CNBD2: variants seen among roughly 807,000 people sequenced by gnomAD.
CNBD2 encodes the protein cyclic nucleotide binding domain containing 2, also known as cyclic nucleotide-binding domain-containing protein 2.
In CNBD2, 64 loss-of-function variants were observed where a neutral mutation model predicts 63.7. That is an observed-to-expected ratio of 1.00 (90% CI 0.82 to 1.24). CNBD2 has a LOEUF of 1.24. CNBD2 is among the 50% of genes most tolerant of loss of function. CNBD2 has a pLI of 0.00. For synonymous variants in CNBD2, 229 were observed against 255.4 expected, an observed-to-expected ratio of 0.90 and a Z score of 0.99; for missense variants, 691 against 713.5, an observed-to-expected ratio of 0.97 and a Z score of 0.36.
upstream of CNBD2, chr20:35,954,463 G>A: frequency 6.5e-7 from 1 of 1,547,980 alleles, no homozygotes; most frequent in Non-Finnish European, 8.7e-7. Flanking sequence ...CCAGCGAAGC[G>A]CCTGCGGCAG....
At chr20:36,029,879 TG>T (rs2057323717) in intron 11 of CNBD2, among the ~76,000 whole-genome samples, 1 of 151,604 alleles carries the variant, frequency 6.6e-6, no homozygotes, top group Non-Finnish European at 1.5e-5. Context: ...TACTATGAGG[TG>T]AGGGGGAGGG....
chr20:35,983,057 G>C (rs2056617748), intron 4 of CNBD2, among the ~76,000 whole-genome samples: 1 of 151,792 alleles, frequency 6.6e-6, no homozygotes, highest in Non-Finnish European at 1.5e-5. Flanking sequence ...AGTAAGAATA[G>C]CTAACATGGG....
chr20:35,983,940 C>T (rs2056630280), intron 4 of CNBD2, 42 bp from the exon 5 acceptor site: 1 of 1,613,004 alleles, frequency 6.2e-7, no homozygotes, highest in Non-Finnish European at 8.5e-7. Context: ...TGGACCTGCC[C>T]CCATGTCACT....
rs191053821 is a variant in CNBD2 at position 35,984,704 on chromosome 20, C to G, written c.642C>G (p.Asp214Glu). The G allele has an allele frequency of 3.2e-5, 52 of 1,614,210 alleles. No individual in the cohort carries two copies. In the Admixed American group the frequency reaches 8.5e-4, roughly 26 times the overall value. The change falls in exon 6 of 12, where the codon GAC becomes GAG. Residue 214 changes from aspartate to glutamate, a missense_variant. Transcript: ENST00000373973. The stretch of plus-strand genomic sequence containing the variant: ...AAGAAACGGAGTTCCTGGTTGTTGA[C>G]CGGGAGGACTTCTTTGCTAATAAGC... ...CMEETEFLVVDREDFFANKLD... is the reference protein window; with the variant it reads ...CMEETEFLVVEREDFFANKLD...
At chr20:35,979,811 C>G (rs140482372) in intron 3 of CNBD2, among the ~76,000 whole-genome samples, 4 of 152,180 alleles carry the variant, frequency 2.6e-5, no homozygotes, top group African/African-American at 9.7e-5. Flanking sequence ...CAAGACAGAG[C>G]CGAGCTTAGC....
intron 8 of CNBD2, among the ~76,000 whole-genome samples, chr20:36,005,573 C>T (rs1463530704): frequency 1.3e-5 from 2 of 152,054 alleles, no homozygotes; most frequent in Non-Finnish European, 2.9e-5. Flanking sequence ...AGTGCCTTTC[C>T]GAAAGATCAA....
rs2056781614 is a variant in CNBD2 at position 35,993,819 on chromosome 20, A to AG, written c.856-1218dup. On this transcript the variant is annotated intron_variant, in intron 7 of 11. Transcript: ENST00000373973. ...TAAGAACAGTACAAAGAACTCCTGTAGCTGGAACTACAGGCATGCACCACC... is the reference window on the plus strand; with the variant it reads ...TAAGAACAGTACAAAGAACTCCTGTAGGCTGGAACTACAGGCATGCACCACC... 1.3e-5 allele frequency among the ~76,000 whole-genome samples: 2 copies of AG among 151,516 alleles called. 1 individual carries two copies. The highest frequency in any genetic ancestry group is 4.8e-5 in the African/African-American group (2 of 41,300).
intron 7 of CNBD2, among the ~76,000 whole-genome samples, chr20:35,992,753 AC>A (rs1217469820): frequency 1.8e-5 from 1 of 55,248 alleles, no homozygotes; most frequent in Non-Finnish European, 3.8e-5. Context: ...CCCCTCCCCC[AC>A]CCCCCGACCC....
chr20:36,014,319 TTTTC>T (rs1209682380), intron 10 of CNBD2, among the ~76,000 whole-genome samples: 11 of 151,714 alleles, frequency 7.3e-5, no homozygotes, highest in East Asian at 1.9e-4. Context: ...GGTTGGTTTC[TTTTC>T]TTTCTTTCTT....
At chr20:35,968,882 C>G (rs1462473192) in intron 1 of CNBD2, 69 bp downstream of exon 1, 3 of 1,249,398 alleles carry the variant, frequency 2.4e-6, no homozygotes, top group Non-Finnish European at 3.5e-6. Context: ...TGAGGAAGGT[C>G]GATGCAGGTG....
chr20:35,967,499 C>CA (rs552016387), upstream of CNBD2, among the ~76,000 whole-genome samples: 96 of 139,240 alleles, frequency 6.9e-4, no homozygotes, highest in Middle Eastern at 3.7e-3. Context: ...TTGGATGCTA[C>CA]AAATGGAGAG....
At chr20:35,984,932 C>T (rs2056648451) in intron 6 of CNBD2, among the ~76,000 whole-genome samples, 154 bp downstream of exon 6, 1 of 152,064 alleles carries the variant, frequency 6.6e-6, no homozygotes, top group African/African-American at 2.4e-5. Flanking sequence ...TCTCTCTCTG[C>T]AGACTCCTAC....
intron 7 of CNBD2, among the ~76,000 whole-genome samples, chr20:35,990,495 G>A (rs1344653023): frequency 6.6e-6 from 1 of 152,052 alleles, no homozygotes; most frequent in Non-Finnish European, 1.5e-5. Flanking sequence ...GCTGGACATG[G>A]TGGCGCATGC....
At chr20:35,959,173 G>T (rs2056286229), downstream of CNBD2, 1 of 152,218 alleles carries the variant, frequency 6.6e-6, no homozygotes, top group Admixed American at 6.5e-5. Context: ...TCGAGGAGGA[G>T]AAATATATAT....
intron 9 of CNBD2, among the ~76,000 whole-genome samples, chr20:36,009,182 C>T (rs1034007602): frequency 6.6e-6 from 1 of 151,284 alleles, no homozygotes; most frequent in Non-Finnish European, 1.5e-5. Flanking sequence ...GCCTGGGCAA[C>T]AGAGCAAGAT....
At chr20:35,990,428 C>T (rs1330430747) in intron 7 of CNBD2, among the ~76,000 whole-genome samples, 5 of 151,952 alleles carry the variant, frequency 3.3e-5, no homozygotes, top group South Asian at 2.1e-4. Context: ...GTCAGGAGTT[C>T]GAGACTAGCC....
chr20:35,983,335 A>G (rs554161363), intron 4 of CNBD2, among the ~76,000 whole-genome samples: 8 of 152,202 alleles, frequency 5.3e-5, no homozygotes, highest in African/African-American at 1.7e-4. Context: ...AAAAGAATAA[A>G]TATCGAAAGA....
At chr20:35,987,714 A>G (rs1171629645) in intron 7 of CNBD2, among the ~76,000 whole-genome samples, 181 bp downstream of exon 7, 2 of 152,322 alleles carry the variant, frequency 1.3e-5, no homozygotes, top group South Asian at 2.1e-4. Context: ...GGCTAGAGAC[A>G]TTAGATATAT....
intron 7 of CNBD2, among the ~76,000 whole-genome samples, chr20:35,991,921 C>T (rs894055510): frequency 1.4e-4 from 22 of 151,972 alleles, no homozygotes; most frequent in Non-Finnish European, 7.4e-5. Flanking sequence ...ATTCCTGTCG[C>T]CCAGGCTGGA....
Sources: gnomAD v4.1 joint callset for allele counts (sites outside exome capture counted in the v4.1 genomes callset) on GRCh38, gnomAD v4.1.1 for gene constraint, MANE v1.5 for transcripts, NCBI Gene and HGNC (gene_info 2026-07-23, HGNC 2026-07-21) for gene names.